GRK3: variants seen among roughly 807,000 people sequenced by gnomAD.
GRK3 encodes the protein G protein-coupled receptor kinase 3.
Under a neutral mutation model 95.7 loss-of-function variants are expected in GRK3, and 54 were observed. The observed-to-expected ratio is 0.56, with a 90% confidence interval of 0.45 to 0.71. GRK3 has a LOEUF of 0.71. Ranked by LOEUF, GRK3 falls within the 30% of genes least tolerant of loss-of-function variation. The pLI is 0.00. For missense variants in GRK3, 649 were observed against 851.2 expected (o/e 0.76, Z 2.96); for synonymous variants, 281 against 290.8 (o/e 0.97, Z 0.34).
At chr22:25,718,166 T>C (rs1240572873) in intron 18 of GRK3, 79 bp from the exon 19 acceptor site, 4 of 1,487,106 alleles carry the variant, frequency 2.7e-6, no homozygotes, top group Non-Finnish European at 3.7e-6. Flanking sequence ...AGCATGTCTG[T>C]TCTTTTTTCA....
intron 2 of GRK3, among the ~76,000 whole-genome samples, chr22:25,623,625 C>T (rs1208593365): frequency 2.0e-5 from 3 of 152,178 alleles, no homozygotes; most frequent in African/African-American, 7.2e-5. Context: ...AACTAAGAAA[C>T]CTACACACCT....
intron 1 of GRK3, among the ~76,000 whole-genome samples, chr22:25,588,164 G>A (rs528907761): frequency 1.3e-5 from 2 of 152,300 alleles, no homozygotes; most frequent in South Asian, 2.1e-4. Context: ...TAGGTAAACC[G>A]AGGACACCAT....
intron 19 of GRK3, among the ~76,000 whole-genome samples, chr22:25,720,118 G>A (rs528508206): frequency 9.2e-5 from 14 of 152,116 alleles, no homozygotes; most frequent in Admixed American, 3.3e-4. Flanking sequence ...GAGCGGACCT[G>A]GGCAGATTAT....
intron 17 of GRK3, 45 bp downstream of exon 17, chr22:25,711,208 G>A (rs1351254692): frequency 1.5e-6 from 2 of 1,351,632 alleles, no homozygotes; most frequent in Admixed American, 2.0e-5. Flanking sequence ...TTTTGGATGG[G>A]ATGATTTCTG....
chr22:25,659,244 A>G (rs912638390), intron 3 of GRK3, among the ~76,000 whole-genome samples: 3 of 152,190 alleles, frequency 2.0e-5, no homozygotes, highest in African/African-American at 7.2e-5. Flanking sequence ...CAAAGAAGGC[A>G]TCAGTGGACA....
rs375518916 is a variant in GRK3, at chr22:25,709,903, A to G, written c.1334A>G (p.Gln445Arg). 8.7e-6 allele frequency: 14 copies of G among 1,612,764 alleles called. No individual in the cohort carries two copies. The African/African-American group carries it at 1.5e-4, about 17-fold the overall frequency. The part of the protein sequence containing the change: ...KRLGCHGGGS[Q>R]EVKEHSFFKG... ...TATGACTCTTTCTCCTCCAGCTCAC[A>G]GGAAGTAAAAGAGCACAGCTTTTTC... is the stretch of plus-strand genomic sequence containing the variant. The change falls in exon 16 of 21, where the codon CAG becomes CGG. Residue 445 changes from glutamine (Q) to arginine (R), a missense_variant. Physicochemically the swap from Gln to Arg is conservative, Grantham distance 43. Coordinates refer to ENST00000324198, the MANE Select transcript of GRK3 (RefSeq NM_005160.4).
At chr22:25,686,453 G>A (rs1201882532) in intron 10 of GRK3, among the ~76,000 whole-genome samples, 2 of 152,140 alleles carry the variant, frequency 1.3e-5, no homozygotes, top group Non-Finnish European at 2.9e-5. Context: ...TAGTGGTAGG[G>A]GAGCTTTTGG....
rs529565837 is a variant in GRK3 at position 25,709,374 on chromosome 22, GT to G, written c.1329-523del. Among the ~76,000 whole-genome samples, 188 of 152,144 alleles carry G rather than the reference GT, an allele frequency of 1.2e-3. 1 individual carries two copies. In the South Asian group the frequency reaches 0.015, roughly 12 times the overall value. ...TTTTTAGTAGAGATGGGATTTCACC[GT>G]GTTAGCCAGGATGGGTTTCTTCAAT... On this transcript the variant is annotated intron_variant, in intron 15 of 20. Coordinates refer to ENST00000324198, the MANE Select transcript of GRK3 (RefSeq NM_005160.4).
At chr22:25,653,637 A>C (rs1275231869) in intron 3 of GRK3, among the ~76,000 whole-genome samples, 1 of 152,252 alleles carries the variant, frequency 6.6e-6, no homozygotes, top group Non-Finnish European at 1.5e-5. Context: ...TAATAAAATG[A>C]TGAGTAAATT....
At chr22:25,645,275 C>G (rs1392970431) in intron 3 of GRK3, among the ~76,000 whole-genome samples, 1 of 152,014 alleles carries the variant, frequency 6.6e-6, no homozygotes, top group Non-Finnish European at 1.5e-5. Flanking sequence ...ACAGAATGGG[C>G]GAGAGATGGA....
chr22:25,671,940 C>A (rs2084986019), intron 6 of GRK3, among the ~76,000 whole-genome samples: 1 of 152,248 alleles, frequency 6.6e-6, no homozygotes, highest in South Asian at 2.1e-4. Flanking sequence ...TAGAATATCT[C>A]ATTAATTCAT....
intron 3 of GRK3, among the ~76,000 whole-genome samples, chr22:25,661,058 G>A (rs2084905825): frequency 6.6e-6 from 1 of 152,186 alleles, no homozygotes; most frequent in African/African-American, 2.4e-5. Flanking sequence ...GCTTTCATCT[G>A]TGGGTTAATT....
At chr22:25,647,881 T>TG in intron 3 of GRK3, 1 of 629,756 alleles carries the variant, frequency 1.6e-6, no homozygotes, top group Non-Finnish European at 3.0e-6. Flanking sequence ...GAGGCCGAGT[T>TG]GGGCGGATCA....
chr22:25,606,329 C>T (rs1234806091), intron 2 of GRK3, among the ~76,000 whole-genome samples: 3 of 152,264 alleles, frequency 2.0e-5, no homozygotes, highest in Admixed American at 1.3e-4. Context: ...AGAAGAGCAG[C>T]TGATCGGAGG....
chr22:25,700,585 GTATTT>G (rs1196086467), intron 13 of GRK3, among the ~76,000 whole-genome samples: 2 of 152,104 alleles, frequency 1.3e-5, no homozygotes, highest in Non-Finnish European at 2.9e-5. Flanking sequence ...CATCTTTTGG[GTATTT>G]TATTTTATTT....
intron 2 of GRK3, among the ~76,000 whole-genome samples, chr22:25,625,297 T>A (rs747054474): frequency 1.3e-5 from 2 of 152,216 alleles, no homozygotes; most frequent in African/African-American, 4.8e-5. Context: ...TCCAATATTA[T>A]AATAATCCTC....
intron 15 of GRK3, among the ~76,000 whole-genome samples, chr22:25,709,506 G>A (rs556849114): frequency 3.3e-5 from 5 of 152,166 alleles, no homozygotes; most frequent in Non-Finnish European, 5.9e-5. Flanking sequence ...TATCTATTGC[G>A]ATGTGTAAAT....
intron 2 of GRK3, among the ~76,000 whole-genome samples, chr22:25,640,823 C>A (rs75976021): frequency 0.09 from 13,672 of 152,148 alleles, 752 homozygotes; most frequent in Middle Eastern, 0.16. Context: ...TCAAATATAG[C>A]AACAAAGTAA....
Position 25,690,297 on chromosome 22 carries a change from C to G in GRK3, c.1052+14C>G, listed in dbSNP as rs1202411264. Reference sequence around the variant, plus strand: ...TCATGCGAGTGTGTAAGTAGTGCGTCAACTTCAGTTCACCACCATTTCTCT... The same window carrying G: ...TCATGCGAGTGTGTAAGTAGTGCGTGAACTTCAGTTCACCACCATTTCTCT... On this transcript the variant is annotated intron_variant, in intron 12 of 20. Transcript: ENST00000324198. 2 of 1,591,180 alleles carry G rather than the reference C, an allele frequency of 1.3e-6. No homozygotes were observed. The highest frequency in any genetic ancestry group is 2.7e-5 in the African/African-American group (2 of 74,432).
Sources: allele counts gnomAD v4.1 joint callset (sites outside exome capture counted in the v4.1 genomes callset), GRCh38; gene constraint gnomAD v4.1.1; transcripts MANE v1.5; gene names NCBI Gene and HGNC (gene_info 2026-07-23, HGNC 2026-07-21).